The following SHOC1 variants were observed in gnomAD, a reference collection of about 807,000 sequenced individuals.
SHOC1 encodes shortage in chiasmata 1.
A neutral mutation model predicts 179.2 loss-of-function variants in SHOC1; 136 were observed. That is an observed-to-expected ratio of 0.76 (90% CI 0.66 to 0.87). The LOEUF (loss-of-function observed/expected upper bound fraction) is 0.87, where lower values mean the gene tolerates loss of function less well. SHOC1 is among the 40% of genes least tolerant of loss of function. The probability of loss-of-function intolerance (pLI) is 0.00; values close to 1 mark genes in which losing one functional copy is unlikely to be tolerated. For missense variants in SHOC1, 1,538 were observed against 1,700.8 expected, an observed-to-expected ratio of 0.90 and a Z score of 1.68; for synonymous variants, 489 against 586.6, an observed-to-expected ratio of 0.83 and a Z score of 2.41.
At chr9:111,726,295 A>G (rs1473650208) in intron 13 of SHOC1, among the ~76,000 whole-genome samples, 1 of 152,334 alleles carries the variant, frequency 6.6e-6, no homozygotes, top group East Asian at 1.9e-4. Flanking sequence ...CATTTTTACC[A>G]TGAGAAATGC....
intron 12 of SHOC1, among the ~76,000 whole-genome samples, chr9:111,729,650 T>C (rs1429895429): frequency 6.6e-6 from 1 of 152,156 alleles, no homozygotes; most frequent in East Asian, 1.9e-4. Flanking sequence ...TCCCAGCACT[T>C]TGGGAAGGCC....
chr9:111,739,174 TTAA>T (rs770514568), intron 11 of SHOC1, among the ~76,000 whole-genome samples: 51 of 152,208 alleles, frequency 3.4e-4, no homozygotes, highest in Non-Finnish European at 5.6e-4. Flanking sequence ...AATACTAATA[TTAA>T]TAATAGTAAT....
intron 5 of SHOC1, among the ~76,000 whole-genome samples, chr9:111,764,361 A>T (rs2131586003): frequency 6.6e-6 from 1 of 152,344 alleles, no homozygotes; most frequent in Admixed American, 6.5e-5. Context: ...TATAAGACAA[A>T]ACATTGTATA....
intron 5 of SHOC1, among the ~76,000 whole-genome samples, chr9:111,769,655 A>G (rs536702659): frequency 6.6e-6 from 1 of 152,158 alleles, no homozygotes; most frequent in African/African-American, 2.4e-5. Context: ...TTTTTTGTAG[A>G]GGTGAGGTTT....
At chr9:111,759,261 C>T in intron 5 of SHOC1, 1 of 1,613,492 alleles carries the variant, frequency 6.2e-7, no homozygotes, top group Non-Finnish European at 8.5e-7. Flanking sequence ...CTTAATATCT[C>T]CAATTCATCC....
At position 111,723,818 on chromosome 9, in the gene SHOC1, T is replaced by A. The variant is rs1224479535; in HGVS notation, c.1928A>T (p.Asp643Val). The A allele has an allele frequency of 6.2e-7, 1 of 1,612,252 alleles. No individual in the cohort carries two copies. The highest frequency in any genetic ancestry group is 1.3e-5 in the African/African-American group (1 of 74,906). The change falls in exon 14 of 28, where the codon GAT becomes GTT. Residue 643 changes from aspartate to valine, a missense_variant. Coordinates refer to ENST00000682961, the MANE Select transcript of SHOC1 (RefSeq NM_001378211.1). The stretch of plus-strand genomic sequence containing the variant: ...TGACGCTTGAATTTCAATGACACTA[T>A]CTGTTCCCCTTTCCTGATTTATTTC... Reference protein sequence around the residue: ...LEEINQERGTDSVIEIQASDS... With the variant: ...LEEINQERGTVSVIEIQASDS...
chr9:111,778,395 G>C (rs1389537519), intron 4 of SHOC1, among the ~76,000 whole-genome samples: 1 of 152,110 alleles, frequency 6.6e-6, no homozygotes, highest in African/African-American at 2.4e-5. Context: ...ACAAAACAAA[G>C]TTCTTTCCTT....
intron 2 of SHOC1, among the ~76,000 whole-genome samples, chr9:111,786,352 G>A (rs1272464128): frequency 6.6e-6 from 1 of 151,964 alleles, no homozygotes; most frequent in East Asian, 1.9e-4. Context: ...GGAGAATGGT[G>A]TGAACCCGGG....
rs1406872605 is a variant in SHOC1, at chr9:111,706,650, G to A, written c.2655C>T (p.Asp885=). Reference sequence around the variant, plus strand: ...CTTTGCAGTGTTTAGTCCAACAAGAGTCTTCCACATAATTGTATTCCACCA... The same window carrying A: ...CTTTGCAGTGTTTAGTCCAACAAGAATCTTCCACATAATTGTATTCCACCA... The part of the protein sequence containing the change: ...SFVVEYNYVE[D]SCWTKHCKEL... The change falls in exon 20 of 28, where the codon GAC becomes GAT. Residue 885 remains aspartate, a synonymous_variant. Coordinates refer to ENST00000682961, the MANE Select transcript of SHOC1 (RefSeq NM_001378211.1). 1.9e-6 allele frequency: 3 copies of A among 1,608,782 alleles called. No homozygotes were observed. The highest frequency in any genetic ancestry group is 1.3e-5 in the African/African-American group (1 of 74,748).
chr9:111,720,495 T>C (rs1832984815), intron 15 of SHOC1, among the ~76,000 whole-genome samples: 1 of 152,208 alleles, frequency 6.6e-6, no homozygotes, highest in Admixed American at 6.5e-5. Context: ...TTTGTAGTTT[T>C]CATTAAGTTT....
chr9:111,704,729 A>C (rs991867885), intron 21 of SHOC1, among the ~76,000 whole-genome samples: 5 of 120,828 alleles, frequency 4.1e-5, no homozygotes, highest in Non-Finnish European at 7.2e-5. Flanking sequence ...GTGTTTTACG[A>C]TTTTATAACA....
At chr9:111,699,579 C>T (rs1486054508) in intron 24 of SHOC1, among the ~76,000 whole-genome samples, 1 of 152,122 alleles carries the variant, frequency 6.6e-6, no homozygotes, top group Non-Finnish European at 1.5e-5. Context: ...AGGGAAGAGA[C>T]TGATTAGAGA....
In SHOC1 at chr9:111,758,865, A is replaced by G; in HGVS notation, c.443-17T>C. On this transcript the variant is annotated splice_polypyrimidine_tract_variant and intron_variant, in intron 5 of 27. Coordinates refer to ENST00000682961, the MANE Select transcript of SHOC1 (RefSeq NM_001378211.1). Reference sequence around the variant, plus strand: ...TAAATAAATCTGAAAAGAAATAAGAAATATAAAGGAATAAGAAAAAAACAA... The same window carrying G: ...TAAATAAATCTGAAAAGAAATAAGAGATATAAAGGAATAAGAAAAAAACAA... 1 of 1,367,806 alleles carries G rather than the reference A, an allele frequency of 7.3e-7. No homozygotes were observed. Among genetic ancestry groups the G allele is most frequent in the Non-Finnish European group, 1.0e-6 (1 of 1,004,098 alleles). The allele number at this position is 1,367,806 out of a possible 1,614,324, so 84.7% of individuals were successfully genotyped here.
At chr9:111,729,112 T>C (rs1258044439) in intron 12 of SHOC1, among the ~76,000 whole-genome samples, 1 of 147,072 alleles carries the variant, frequency 6.8e-6, no homozygotes, top group Admixed American at 6.8e-5. Flanking sequence ...TGGGGGGTTC[T>C]TTTTTCTTTT....
At chr9:111,782,162 A>G (rs923316502) in intron 3 of SHOC1, among the ~76,000 whole-genome samples, 3 of 152,216 alleles carry the variant, frequency 2.0e-5, no homozygotes, top group African/African-American at 7.2e-5. Flanking sequence ...CAGTGAGCCA[A>G]GATAGCACCA....
In SHOC1 at chr9:111,746,218, T is replaced by C; in HGVS notation, c.1079+16A>G. The C allele has an allele frequency of 6.7e-7, 1 of 1,488,778 alleles. No homozygotes were observed. Among genetic ancestry groups the C allele is most frequent in the Non-Finnish European group, 9.4e-7 (1 of 1,066,948 alleles). The allele number at this position is 1,488,778 out of a possible 1,614,324, so 92.2% of individuals were successfully genotyped here. On this transcript the variant is annotated intron_variant, in intron 10 of 27. Transcript: ENST00000682961. ...TCTGAATTGCAACATGGGTTCTAGA[T>C]ATAATCTTTACTTACATTTTACAAA...
intron 12 of SHOC1, among the ~76,000 whole-genome samples, chr9:111,729,881 T>G (rs1172792458): frequency 1.1e-5 from 1 of 89,850 alleles, no homozygotes; most frequent in East Asian, 3.9e-4. Context: ...AGAGTGAGAC[T>G]TGGTCTCAAA....
At position 111,722,589 on chromosome 9, in the gene SHOC1, C is replaced by A; in HGVS notation, c.1955-4G>T. 1 of 1,587,274 alleles carries A rather than the reference C, an allele frequency of 6.3e-7. No individual in the cohort carries two copies. Among genetic ancestry groups the A allele is most frequent in the Non-Finnish European group, 8.5e-7 (1 of 1,173,762 alleles). ...CAAAATGCTTGGCACTGGCTATCTG[C>A]AAAAATAAAAGCATTAATGGCAGTG... On this transcript the variant is annotated splice_region_variant and splice_polypyrimidine_tract_variant and intron_variant, in intron 14 of 27. Coordinates refer to ENST00000682961, the MANE Select transcript of SHOC1 (RefSeq NM_001378211.1).
chr9:111,691,507 A>G (rs1425370628), intron 27 of SHOC1, 44 bp downstream of exon 27: 1 of 1,503,588 alleles, frequency 6.7e-7, no homozygotes, highest in African/African-American at 1.4e-5. Context: ...TATCTTTTAA[A>G]ATTAAATTTG....
Sources: gnomAD v4.1 joint callset for allele counts (sites outside exome capture counted in the v4.1 genomes callset) on GRCh38, gnomAD v4.1.1 for gene constraint, MANE v1.5 for transcripts, NCBI Gene and HGNC (gene_info 2026-07-23, HGNC 2026-07-21) for gene names.